The following SAMD12 variants were observed in gnomAD, a reference collection of about 807,000 sequenced individuals.
SAMD12 encodes the protein sterile alpha motif domain containing 12.
A neutral mutation model predicts 15.0 loss-of-function variants in SAMD12; 9 were observed. That is an observed-to-expected ratio of 0.60 (90% CI 0.36 to 1.05). SAMD12 has a LOEUF of 1.05. Ranked by LOEUF, SAMD12 falls within the 50% of genes least tolerant of loss-of-function variation. The pLI is 0.01. For missense variants in SAMD12, 230 were observed against 234.2 expected (o/e 0.98, Z 0.12); for synonymous variants, 86 against 90.1 (o/e 0.96, Z 0.25).
At chr8:118,584,919 G>GTA (rs34663653) in intron 1 of SAMD12, among the ~76,000 whole-genome samples, 65,781 of 138,618 alleles carry the variant, frequency 0.47, 16,430 homozygotes, top group Admixed American at 0.58. Flanking sequence ...CAACTTGTAG[G>GTA]TATACACACA....
rs553950082 is a variant in SAMD12 at position 118,481,871 on chromosome 8, C to T, written c.193-41910G>A. 8.4e-4 allele frequency among the ~76,000 whole-genome samples: 128 copies of T among 152,284 alleles called. 1 individual carries two copies. The highest frequency in any genetic ancestry group is 3.7e-3 in the East Asian group (19 of 5,192). On this transcript the variant is annotated intron_variant, in intron 2 of 3. Transcript: ENST00000314727. ...CATAGAGGAAGTGAGACCTGCAGTT[C>T]GCCTTGGAAAACACTCACAGAAGCA... is the stretch of plus-strand genomic sequence containing the variant.
chr8:118,318,038 T>A (rs544487291), intron 4 of SAMD12, among the ~76,000 whole-genome samples: 3 of 151,940 alleles, frequency 2.0e-5, no homozygotes, highest in African/African-American at 7.2e-5. Context: ...TATTAAAAAG[T>A]CAAAAAACAA....
chr8:118,132,608 G>A, the SAMD12 span, among the ~76,000 whole-genome samples: 1 of 152,262 alleles, frequency 6.6e-6, no homozygotes, highest in African/African-American at 2.4e-5. Context: ...TCTAGAACAA[G>A]TGTTTCTGTA....
At chr8:118,459,224 C>T (rs1823345375) in intron 2 of SAMD12, among the ~76,000 whole-genome samples, 3 of 152,204 alleles carry the variant, frequency 2.0e-5, no homozygotes, top group African/African-American at 7.2e-5. Flanking sequence ...TGCTACCACA[C>T]TTGGCTACTT....
intron 4 of SAMD12, among the ~76,000 whole-genome samples, chr8:118,317,594 T>G (rs1197678069): frequency 6.6e-6 from 1 of 152,198 alleles, no homozygotes; most frequent in African/African-American, 2.4e-5. Flanking sequence ...CTATTAGAAT[T>G]TGGCATTTAT....
intron 2 of SAMD12, among the ~76,000 whole-genome samples, chr8:118,525,232 G>A (rs1825501454): frequency 6.6e-6 from 1 of 152,092 alleles, no homozygotes; most frequent in African/African-American, 2.4e-5. Flanking sequence ...TAGCACCTTG[G>A]CTACTTCCTG....
intron 2 of SAMD12, among the ~76,000 whole-genome samples, chr8:118,538,139 T>C (rs1825896099): frequency 6.6e-6 from 1 of 152,096 alleles, no homozygotes; most frequent in African/African-American, 2.4e-5. Context: ...CCTTACTTTC[T>C]CCCAAACAAA....
chr8:118,386,710 G>C (rs1025461945), intron 3 of SAMD12, among the ~76,000 whole-genome samples: 1 of 152,188 alleles, frequency 6.6e-6, no homozygotes, highest in African/African-American at 2.4e-5. Context: ...CGACTTTCAA[G>C]CCCAGCCTGG....
In SAMD12 at chr8:118,515,785, C is replaced by A. The variant is rs1218100093; in HGVS notation, c.192+64930G>T. On this transcript the variant is annotated intron_variant, in intron 2 of 3. Transcript: ENST00000314727. ...ACTCTTGCGCGGCATCACCAACTGG[C>A]AAATCCCAAATTCTGCCCACAGGAG... is the stretch of plus-strand genomic sequence containing the variant. 3.3e-5 allele frequency among the ~76,000 whole-genome samples: 5 copies of A among 152,298 alleles called. No individual in the cohort carries two copies. The East Asian group carries it at 9.7e-4, about 29-fold the overall frequency.
chr8:118,437,740 C>T (rs1237346523), intron 3 of SAMD12, among the ~76,000 whole-genome samples: 8 of 152,110 alleles, frequency 5.3e-5, no homozygotes, highest in Non-Finnish European at 1.2e-4. Context: ...TAAATGCATA[C>T]CTCATTCCCA....
chr8:118,410,498 A>C (rs1005852444), intron 3 of SAMD12, among the ~76,000 whole-genome samples: 2 of 152,114 alleles, frequency 1.3e-5, no homozygotes, highest in African/African-American at 4.8e-5. Flanking sequence ...TAACTATTAG[A>C]CTTTGCTGTC....
At chr8:118,321,144 A>AATAAATAAATATATATATATAT (rs57107358) in intron 4 of SAMD12, among the ~76,000 whole-genome samples, 2 of 94,496 alleles carry the variant, frequency 2.1e-5, no homozygotes, top group African/African-American at 8.1e-5. Flanking sequence ...ATAGATAATA[A>AATAAATAAATATATATATATAT]ATATATATAT....
At chr8:118,305,022 G>A (rs910774498) in intron 4 of SAMD12, among the ~76,000 whole-genome samples, 3 of 149,180 alleles carry the variant, frequency 2.0e-5, no homozygotes, top group East Asian at 3.9e-4. Context: ...GGTGGTGGGC[G>A]CCCATAATCC....
chr8:118,492,195 G>A (rs1408266609), intron 2 of SAMD12, among the ~76,000 whole-genome samples: 2 of 140,806 alleles, frequency 1.4e-5, no homozygotes, highest in Non-Finnish European at 3.0e-5. Context: ...ATTCTGATTT[G>A]CATTTTCCTG....
chr8:118,411,136 A>G (rs1422607890), intron 3 of SAMD12, among the ~76,000 whole-genome samples: 1 of 152,224 alleles, frequency 6.6e-6, no homozygotes, highest in Non-Finnish European at 1.5e-5. Flanking sequence ...GAATCTAAGT[A>G]CATTTCCAGA....
chr8:118,222,087 A>G (rs1013592944), intron 4 of SAMD12, among the ~76,000 whole-genome samples: 1 of 152,200 alleles, frequency 6.6e-6, no homozygotes, highest in African/African-American at 2.4e-5. Flanking sequence ...TTTGACATCT[A>G]AAAAAGAAAA....
chr8:118,261,545 T>G (rs1041123890), intron 4 of SAMD12, among the ~76,000 whole-genome samples: 1 of 152,096 alleles, frequency 6.6e-6, no homozygotes, highest in African/African-American at 2.4e-5. Flanking sequence ...TGGAACATCA[T>G]TGGTAGCTGT....
chr8:118,303,875 T>C (rs1322760188), intron 4 of SAMD12, among the ~76,000 whole-genome samples: 1 of 152,200 alleles, frequency 6.6e-6, no homozygotes, highest in Non-Finnish European at 1.5e-5. Flanking sequence ...TTCACAGAAA[T>C]GGTCTTAGCC....
intron 2 of SAMD12, among the ~76,000 whole-genome samples, chr8:118,443,230 G>T (rs925920175): frequency 6.6e-6 from 1 of 152,286 alleles, no homozygotes. Flanking sequence ...TTGGGAGGCT[G>T]AGGCAGGCAG....
Sources: allele counts gnomAD v4.1 joint callset (sites outside exome capture counted in the v4.1 genomes callset), GRCh38; gene constraint gnomAD v4.1.1; transcripts MANE v1.5; gene names NCBI Gene and HGNC (gene_info 2026-07-23, HGNC 2026-07-21).